Variants in METAP1D observed in about 807,000 individuals in gnomAD.
The protein encoded by METAP1D is methionine aminopeptidase 1D, mitochondrial.
Under a neutral mutation model 40.5 loss-of-function variants are expected in METAP1D, and 31 were observed. The observed-to-expected ratio is 0.77, with a 90% CI of 0.58 to 1.03. METAP1D has a LOEUF of 1.03. Among genes scored for constraint, METAP1D ranks in the 50% least tolerant of loss-of-function variants. The pLI is 0.00. For missense variants in METAP1D, 411 were observed against 420.7 expected (o/e 0.98, Z 0.20); for synonymous variants, 151 against 146.4 (o/e 1.03, Z -0.22).
chr2:172,016,726 C>T (rs922337053), intron 1 of METAP1D, among the ~76,000 whole-genome samples: 1 of 152,054 alleles, frequency 6.6e-6, no homozygotes, highest in African/African-American at 2.4e-5. Flanking sequence ...CTTGGCTTCT[C>T]ATTGTAGTCA....
At chr2:172,039,586 G>A (rs1357431228) in intron 1 of METAP1D, among the ~76,000 whole-genome samples, 2 of 151,986 alleles carry the variant, frequency 1.3e-5, no homozygotes, top group East Asian at 1.9e-4. Context: ...CTTAGAAGTC[G>A]TCAGGAAAGA....
chr2:172,044,549 C>T (rs62183828), intron 1 of METAP1D, among the ~76,000 whole-genome samples: 32,489 of 129,470 alleles, frequency 0.25, 9,795 homozygotes, highest in Middle Eastern at 0.38. Context: ...GAGCCGAGAT[C>T]GTGCCACTGC....
chr2:172,064,132 A>G (rs1221847193), intron 3 of METAP1D: 2 of 273,626 alleles, frequency 7.3e-6, no homozygotes, highest in East Asian at 8.1e-5. Context: ...CAGTCAACCT[A>G]TCCAAGTTGA....
chr2:172,062,967 C>G (rs982946981), intron 2 of METAP1D, among the ~76,000 whole-genome samples: 26 of 152,216 alleles, frequency 1.7e-4, no homozygotes, highest in Admixed American at 1.4e-3. Context: ...AAGAGCTGTG[C>G]AAAACCTTGG....
rs1237082800 is a variant in METAP1D at position 172,081,633 on chromosome 2, C to G, written c.*1227C>G. 2 of 152,278 alleles carry G rather than the reference C, an allele frequency of 1.3e-5. No individual in the cohort carries two copies. The highest frequency in any genetic ancestry group is 4.8e-5 in the African/African-American group (2 of 41,446). 9.4% of individuals were successfully genotyped at this position (152,278 alleles called of 1,614,324 possible). A position where few individuals can be genotyped will look rare whatever the true frequency, so the allele number is the denominator to read the frequency against. On this transcript the variant is annotated 3_prime_UTR_variant, in exon 10 of 10. Transcript: ENST00000315796. Reference sequence around the variant, plus strand: ...GAGAGGCCGGGCCTCTGGCAGTCCACGAAGGAAGCCGTCTGCCTTCGGTTA... The same window carrying G: ...GAGAGGCCGGGCCTCTGGCAGTCCAGGAAGGAAGCCGTCTGCCTTCGGTTA...
chr2:172,015,714 C>G (rs1688837838), intron 1 of METAP1D, among the ~76,000 whole-genome samples: 1 of 152,150 alleles, frequency 6.6e-6, no homozygotes, highest in Admixed American at 6.5e-5. Context: ...AATCCCAGCA[C>G]TTTGGAAAGC....
rs116382931 is a variant in METAP1D at position 172,019,964 on chromosome 2, C to T, written c.40+19955C>T. On this transcript the variant is annotated intron_variant, in intron 1 of 9. Coordinates refer to ENST00000315796, the MANE Select transcript of METAP1D (RefSeq NM_199227.3). ...GAATCTGCATGTTCAACAAATTCCT[C>T]CTGGCATTCTAGGGCTCCAATCTCA... Among the ~76,000 whole-genome samples, 671 of 152,272 alleles carry T rather than the reference C, an allele frequency of 4.4e-3. 5 individuals carry two copies. The highest frequency in any genetic ancestry group is 0.014 in the African/African-American group (569 of 41,552).
At chr2:172,054,382 G>T (rs1164221735) in intron 1 of METAP1D, among the ~76,000 whole-genome samples, 6 of 152,044 alleles carry the variant, frequency 3.9e-5, no homozygotes, top group African/African-American at 1.2e-4. Flanking sequence ...AGCTGGACGT[G>T]GTGGTGGGTG....
At position 172,067,415 on chromosome 2, in the gene METAP1D, A is replaced by G. The variant is rs558000557; in HGVS notation, c.540+1109A>G. Among the ~76,000 whole-genome samples the G allele has an allele frequency of 4.1e-4, 63 of 152,332 alleles. No individual in the cohort carries two copies. In the Middle Eastern group the frequency reaches 0.01, roughly 25 times the overall value. On this transcript the variant is annotated intron_variant, in intron 5 of 9. Coordinates refer to ENST00000315796, the MANE Select transcript of METAP1D (RefSeq NM_199227.3). The stretch of plus-strand genomic sequence containing the variant: ...CAATCATATGAGGAGATAGCCAACG[A>G]TTCTTTCATTGCTGATGCTATTTCC...
chr2:172,061,364 C>A, intron 1 of METAP1D, 134 bp from the exon 2 acceptor site: 1 of 699,460 alleles, frequency 1.4e-6, no homozygotes, highest in Non-Finnish European at 2.3e-6. Context: ...GTTTTCATTT[C>A]TATTTGGGGC....
At chr2:172,076,033 C>G (rs547021498) in intron 6 of METAP1D, among the ~76,000 whole-genome samples, 14 of 152,194 alleles carry the variant, frequency 9.2e-5, no homozygotes, top group African/African-American at 2.9e-4. Context: ...TGCAGAGGAA[C>G]GAGAGGTATG....
At chr2:172,034,368 C>G (rs148276666) in intron 1 of METAP1D, among the ~76,000 whole-genome samples, 5 of 151,838 alleles carry the variant, frequency 3.3e-5, no homozygotes, top group African/African-American at 9.7e-5. Flanking sequence ...AATTTGTGAT[C>G]GTGGACAAAT....
chr2:172,066,150 C>G (rs1690272948), intron 4 of METAP1D, 114 bp from the exon 5 acceptor site: 6 of 796,876 alleles, frequency 7.5e-6, no homozygotes, highest in Non-Finnish European at 1.0e-5. Flanking sequence ...CTCCTTCACT[C>G]CAAATTATCA....
Position 172,029,710 on chromosome 2 carries a change from T to G in METAP1D, c.40+29701T>G, listed in dbSNP as rs941539930. ...ACCGCCTCAAACTCATGATCCCTAA[T>G]GTAGGCTCATTTTTAAGTCTACATT... On this transcript the variant is annotated intron_variant, in intron 1 of 9. Coordinates refer to ENST00000315796, the MANE Select transcript of METAP1D (RefSeq NM_199227.3). Among the ~76,000 whole-genome samples, 105 of 152,202 alleles carry G rather than the reference T, an allele frequency of 6.9e-4. 1 individual carries two copies. Among genetic ancestry groups the G allele is most frequent in the African/African-American group, 2.4e-3 (99 of 41,444 alleles).
At position 172,045,846 on chromosome 2, in the gene METAP1D, T is replaced by TATAA. The variant is rs1553494853; in HGVS notation, c.41-15649_41-15648insAATA. ...ATATATATATATATATATATATATA[T>TATAA]ATATATATATATATATATGACGGAA... On this transcript the variant is annotated intron_variant, in intron 1 of 9. Transcript: ENST00000315796. 4.1e-4 allele frequency among the ~76,000 whole-genome samples: 45 copies of TATAA among 109,072 alleles called. 2 individuals are homozygous for TATAA. Among genetic ancestry groups the TATAA allele is most frequent in the Non-Finnish European group, 7.1e-4 (38 of 53,288 alleles). 71.6% of individuals were successfully genotyped at this position (109,072 alleles called of 152,430 possible).
intron 1 of METAP1D, among the ~76,000 whole-genome samples, chr2:172,057,606 T>C (rs1690030397): frequency 6.6e-6 from 1 of 152,228 alleles, no homozygotes; most frequent in Admixed American, 6.5e-5. Context: ...ACAATAGTTT[T>C]GTGATGCCTT....
At position 172,061,609 on chromosome 2, in the gene METAP1D, G is replaced by C. The variant is rs1324900035; in HGVS notation, c.152G>C (p.Ser51Thr). The change falls in exon 2 of 10, where the codon AGT (serine) becomes ACT (threonine). Residue 51 changes from serine to threonine, a missense_variant. By Grantham distance (58) the Ser-to-Thr change is moderately conservative. Coordinates refer to ENST00000315796, the MANE Select transcript of METAP1D (RefSeq NM_199227.3). Reference protein sequence around the residue: ...FFRRQRDISHSIVLPAAVSSA... With the variant: ...FFRRQRDISHTIVLPAAVSSA... ...CGGAGACAAAGAGATATTTCACACA[G>C]TATAGTTTTGCCGGCTGCAGTTTCT... The C allele has an allele frequency of 6.2e-7, 1 of 1,613,556 alleles. No individual in the cohort carries two copies. Among genetic ancestry groups the C allele is most frequent in the African/African-American group, 1.3e-5 (1 of 75,022 alleles).
At chr2:172,038,153 T>C (rs1689437506) in intron 1 of METAP1D, among the ~76,000 whole-genome samples, 1 of 152,216 alleles carries the variant, frequency 6.6e-6, no homozygotes, top group African/African-American at 2.4e-5. Context: ...TTAGAAACCA[T>C]GTTGTAAATG....
chr2:172,000,868 A>G (rs62183783), intron 1 of METAP1D, among the ~76,000 whole-genome samples: 69,657 of 151,876 alleles, frequency 0.46, 17,669 homozygotes, highest in Middle Eastern at 0.63. Context: ...GGGCGTGGTG[A>G]CACATGCCTG....
Sources: allele counts gnomAD v4.1 joint callset (sites outside exome capture counted in the v4.1 genomes callset), GRCh38; gene constraint gnomAD v4.1.1; transcripts MANE v1.5; gene names NCBI Gene and HGNC (gene_info 2026-07-23, HGNC 2026-07-21).